ABCB6: variants seen among roughly 807,000 people sequenced by gnomAD.
ABCB6 encodes the protein ATP-binding cassette sub-family B member 6.
Under a neutral mutation model 99.4 loss-of-function variants are expected in ABCB6, and 87 were observed. The observed-to-expected ratio is 0.88, with a 90% CI of 0.74 to 1.05. ABCB6 has a LOEUF of 1.05. Ranked by LOEUF, ABCB6 falls within the 50% of genes least tolerant of loss-of-function variation. The pLI is 0.00. For missense variants in ABCB6, 1,050 were observed against 1,097.9 expected (o/e 0.96, Z 0.62); for synonymous variants, 482 against 447.5 (o/e 1.08, Z -0.97).
chr2:219,212,546 C>T (rs372531253), intron 13 of ABCB6, 55 bp from the exon 14 acceptor site: 9 of 1,352,748 alleles, frequency 6.7e-6, no homozygotes, highest in East Asian at 4.6e-5. Flanking sequence ...TTTTTGAGAC[C>T]GAATCTCACT....
In ABCB6 at chr2:219,210,820, T is replaced by A; in HGVS notation, c.2147A>T (p.Tyr716Phe). 6.2e-7 allele frequency: 1 copy of A among 1,613,870 alleles called. No homozygotes were observed. The highest frequency in any genetic ancestry group is 8.5e-7 in the Non-Finnish European group (1 of 1,179,952). ...TCCCCGCTCGCCCACCTGTGTCCTG[T>A]ACCCTGTGGATATTACCCACCACAC... ...HDAIMAFPEG[Y>F]RTQVGERGLK... The change falls in exon 16 of 19, where the codon TAC (tyrosine) becomes TTC (phenylalanine). Residue 716 changes from tyrosine (Y) to phenylalanine (F), a missense_variant. Transcript: ENST00000265316.
chr2:219,215,728 G>A (rs187747793), intron 5 of ABCB6: 99 of 323,788 alleles, frequency 3.1e-4, no homozygotes, highest in Non-Finnish European at 3.4e-5. Context: ...GTGACAGAGC[G>A]TGACCCTGTC....
chr2:219,212,414 G>C lies in ABCB6; in HGVS notation c.1941C>G (p.Ile647Met). 6.2e-7 allele frequency: 1 copy of C among 1,614,144 alleles called. No homozygotes were observed. The highest frequency in any genetic ancestry group is 8.5e-7 in the Non-Finnish European group (1 of 1,180,034). ...GTGAAATGTCCTGCCCATCTATTCG[G>C]ATGCAGCCAGAGCTGATGTCGTAGA... ...FRFYDISSGC[I>M]RIDGQDISQV... Residue 647 changes from isoleucine to methionine, a missense_variant, in exon 14 of 19, where the codon ATC becomes ATG. Ile to Met is a conservative substitution (Grantham distance 10, BLOSUM62 1). Transcript: ENST00000265316.
chr2:219,211,150 C>A, intron 14 of ABCB6, 42 bp from the exon 15 acceptor site: 5 of 1,604,724 alleles, frequency 3.1e-6, no homozygotes, highest in Non-Finnish European at 4.3e-6. Flanking sequence ...TGAGATACCC[C>A]CAAGGCCTGG....
chr2:219,213,026 A>G lies in ABCB6; in HGVS notation c.1845T>C (p.Pro615=). 1 of 1,613,996 alleles carries G rather than the reference A, an allele frequency of 6.2e-7. No individual in the cohort carries two copies. Among genetic ancestry groups the G allele is most frequent in the African/African-American group, 1.3e-5 (1 of 75,036 alleles). Reference sequence around the variant, plus strand: ...CTCTCACCAGGGCAAGTGTCTGTCCAGGCATCACAGTGAAAGACACGTCCT... The same window carrying G: ...CTCTCACCAGGGCAAGTGTCTGTCCGGGCATCACAGTGAAAGACACGTCCT... ...TLQDVSFTVM[P]GQTLALVGPS... The change falls in exon 13 of 19, where the codon CCT becomes CCC. Residue 615 remains proline (P), a synonymous_variant. Transcript: ENST00000265316.
rs765299756 is a variant in ABCB6 at position 219,213,572 on chromosome 2, G to A, written c.1655+18C>T. ...TAATAATGTGCCCTGGACAGGTGAG[G>A]GCCAGGGCTCAGATTACCTGTAGTA... is the stretch of plus-strand genomic sequence containing the variant. On this transcript the variant is annotated intron_variant, in intron 10 of 18. Transcript: ENST00000265316. The A allele has an allele frequency of 4.3e-6, 7 of 1,614,160 alleles. No individual in the cohort carries two copies. The highest frequency in any genetic ancestry group is 3.3e-5 in the Admixed American group (2 of 60,020).
chr2:219,218,709 T>G lies in ABCB6; in HGVS notation c.-36A>C. On this transcript the variant is annotated 5_prime_UTR_variant, in exon 1 of 19. Transcript: ENST00000265316. ...GGACGCCGGCCGAGGCTGCGGGCAC[T>G]GCGGGACCGGAGGCCGGGACTGGTC... is the stretch of plus-strand genomic sequence containing the variant. 2.0e-6 allele frequency: 3 copies of G among 1,511,110 alleles called. No homozygotes were observed. The highest frequency in any genetic ancestry group is 8.9e-7 in the Non-Finnish European group (1 of 1,129,152). The allele number at this position is 1,511,110 out of a possible 1,614,324, so 93.6% of individuals were successfully genotyped here. A position where few individuals can be genotyped will look rare whatever the true frequency, so the allele number is the denominator to read the frequency against.
At position 219,216,690 on chromosome 2, in the gene ABCB6, G is replaced by A. The variant is rs1950646129; in HGVS notation, c.830C>T (p.Ala277Val). The change falls in exon 3 of 19, where the codon GCA (alanine) becomes GTA (valine). Residue 277 changes from alanine (A) to valine (V), a missense_variant. By Grantham distance (64) the Ala-to-Val change is moderately conservative (BLOSUM62 0). Coordinates refer to ENST00000265316, the MANE Select transcript of ABCB6 (RefSeq NM_005689.4). The surrounding 1 kb of genome is among the most constrained non-coding windows in gnomAD (Gnocchi z 4.2). ...ICLGLMGLERALNVLVPIFYR... is the reference protein window; with the variant it reads ...ICLGLMGLERVLNVLVPIFYR... ...GAATATAGGCACCAACACATTGAGT[G>A]CCCGTTCCAAACCCATGAGCCCCAG... 6.3e-7 allele frequency: 1 copy of A among 1,580,718 alleles called. No homozygotes were observed. The highest frequency in any genetic ancestry group is 8.6e-7 in the Non-Finnish European group (1 of 1,163,516).
At chr2:219,217,955 A>C (rs1950666079) in intron 1 of ABCB6, 148 bp from the exon 2 acceptor site, 1 of 1,384,510 alleles carries the variant, frequency 7.2e-7, no homozygotes, top group Non-Finnish European at 9.6e-7. Flanking sequence ...ACAGTGACTC[A>C]GCAAAGACAC....
chr2:219,212,874 G>A, intron 13 of ABCB6, 134 bp downstream of exon 13: 2 of 1,031,612 alleles, frequency 1.9e-6, no homozygotes, highest in East Asian at 5.2e-5. Context: ...AGTGTCCATG[G>A]AGGCTGCACC....
At position 219,218,352 on chromosome 2, in the gene ABCB6, G is replaced by A; in HGVS notation, c.322C>T (p.Leu108Phe). The change falls in exon 1 of 19, where the codon CTT (leucine) becomes TTT (phenylalanine). Residue 108 changes from leucine to phenylalanine, a missense_variant. Coordinates refer to ENST00000265316, the MANE Select transcript of ABCB6 (RefSeq NM_005689.4). ...AGACTCTCCAGCACGGAGGCCAGAA[G>A]TAGATAGCTTGGCAGTGGGGCCCCC... is the stretch of plus-strand genomic sequence containing the variant. ...ARGAPLPSYL[L>F]LASVLESLAG... The A allele has an allele frequency of 6.2e-7, 1 of 1,613,112 alleles. No homozygotes were observed. Among genetic ancestry groups the A allele is most frequent in the Non-Finnish European group, 8.5e-7 (1 of 1,180,006 alleles).
intron 14 of ABCB6, among the ~76,000 whole-genome samples, 184 bp downstream of exon 14, chr2:219,212,203 A>G (rs1396353949): frequency 6.6e-6 from 1 of 151,998 alleles, no homozygotes; most frequent in Non-Finnish European, 1.5e-5. Context: ...AGCCCTTTGT[A>G]GCTTTTATGG....
intron 16 of ABCB6, 55 bp from the exon 17 acceptor site, chr2:219,210,530 G>A: frequency 6.2e-7 from 1 of 1,601,996 alleles, no homozygotes; most frequent in South Asian, 1.1e-5. Flanking sequence ...CTCAATGGAA[G>A]GAGGCAGGCT....
chr2:219,215,113 G>C (rs778035723), intron 5 of ABCB6, 31 bp from the exon 6 acceptor site: 1 of 1,613,722 alleles, frequency 6.2e-7, no homozygotes, highest in Non-Finnish European at 8.5e-7. Flanking sequence ...AATAAGAAAG[G>C]TCTGGGGGCT....
Position 219,216,605 on chromosome 2 carries a change from A to T in ABCB6, c.868+47T>A, listed in dbSNP as rs1574816290. ...CTAGGTAAGGACCATCCCAGCCACCAGGCTGATGAAGGACCAGCACACTGA... is the reference window on the plus strand; with the variant it reads ...CTAGGTAAGGACCATCCCAGCCACCTGGCTGATGAAGGACCAGCACACTGA... On this transcript the variant is annotated intron_variant, in intron 3 of 18. Coordinates refer to ENST00000265316, the MANE Select transcript of ABCB6 (RefSeq NM_005689.4). This position sits in a 1 kb window ranked among gnomAD's most constrained non-coding sequence, Gnocchi z 4.2. The T allele has an allele frequency of 6.5e-7, 1 of 1,537,420 alleles. No individual in the cohort carries two copies. The highest frequency in any genetic ancestry group is 8.8e-7 in the Non-Finnish European group (1 of 1,135,762).
rs2106424798 is a variant in ABCB6 at position 219,213,345 on chromosome 2, T to C, written c.1720-19A>G. On this transcript the variant is annotated intron_variant, in intron 11 of 18. Transcript: ENST00000265316. The stretch of plus-strand genomic sequence containing the variant: ...CCTTCACCTGGAAGGGCACCACCCA[T>C]GTGTGCTGAGGTTCTCAGCTTTGTG... 9 of 1,613,966 alleles carry C rather than the reference T, an allele frequency of 5.6e-6. No homozygotes were observed. The highest frequency in any genetic ancestry group is 7.6e-6 in the Non-Finnish European group (9 of 1,179,920).
rs1559239092 is a variant in ABCB6 at position 219,218,042 on chromosome 2, C to A, written c.549+83G>T. The stretch of plus-strand genomic sequence containing the variant: ...CCTTTGCTTAGAGGCATCCTAAAGC[C>A]TGGAAGCAGTGTGACTGGACATGCA... On this transcript the variant is annotated intron_variant, in intron 1 of 18. Transcript: ENST00000265316. The A allele has an allele frequency of 8.7e-6, 13 of 1,497,250 alleles. No homozygotes were observed. The South Asian group carries it at 1.5e-4, about 17-fold the overall frequency. The allele number at this position is 1,497,250 out of a possible 1,614,324, so 92.7% of individuals were successfully genotyped here.
At position 219,218,331 on chromosome 2, in the gene ABCB6, T is replaced by C. The variant is rs762384024; in HGVS notation, c.343A>G (p.Ser115Gly). 1.8e-5 allele frequency: 29 copies of C among 1,612,990 alleles called. No homozygotes were observed. The highest frequency in any genetic ancestry group is 2.4e-5 in the Non-Finnish European group (28 of 1,180,016). The change falls in exon 1 of 19, where the codon AGT becomes GGT. Residue 115 changes from serine to glycine, a missense_variant. Physicochemically the swap from Ser to Gly is moderately conservative, Grantham distance 56 (BLOSUM62 0). Transcript: ENST00000265316. ...SYLLLASVLE[S>G]LAGACGLWLL... ...CACAGGCCACAGGCGCCGGCCAGACTCTCCAGCACGGAGGCCAGAAGTAGA... is the reference window on the plus strand; with the variant it reads ...CACAGGCCACAGGCGCCGGCCAGACCCTCCAGCACGGAGGCCAGAAGTAGA...
At chr2:219,217,910 C>T in intron 1 of ABCB6, 103 bp from the exon 2 acceptor site, 1 of 1,217,326 alleles carries the variant, frequency 8.2e-7, no homozygotes, top group Non-Finnish European at 1.1e-6. Flanking sequence ...ACATTCAGCA[C>T]TTACAGGCTT....
Sources: gnomAD v4.1 joint callset for allele counts (sites outside exome capture counted in the v4.1 genomes callset) on GRCh38, gnomAD v4.1.1 for gene constraint, Gnocchi (gnomAD v3.1) non-coding constraint, MANE v1.5 for transcripts, NCBI Gene and HGNC (gene_info 2026-07-23, HGNC 2026-07-21) for gene names.